MTIF2: variants seen among roughly 807,000 people sequenced by gnomAD.
The protein encoded by MTIF2 is translation initiation factor IF-2, mitochondrial.
MTIF2 carries 71 observed loss-of-function variants against 83.5 expected under a neutral mutation model. That is an observed-to-expected ratio of 0.85 (90% CI 0.70 to 1.04). The LOEUF (loss-of-function observed/expected upper bound fraction) is 1.04. MTIF2 is among the 50% of genes least tolerant of loss of function. The pLI is 0.00. For synonymous variants in MTIF2, 319 were observed against 287.1 expected (o/e 1.11, Z -1.12); for missense variants, 957 against 846.5 (o/e 1.13, Z -1.62).
In MTIF2 at chr2:55,252,480, G is replaced by C; in HGVS notation, c.838C>G (p.Gln280Glu). ...VESIQHAKDAQVPIILAVNKC... is the reference protein window; with the variant it reads ...VESIQHAKDAEVPIILAVNKC... Reference sequence around the variant, plus strand: ...CATTAAGTCAGCCACACAGTACCCTGTGCATCTTTGGCATGCTGAATAGAT... The same window carrying C: ...CATTAAGTCAGCCACACAGTACCCTCTGCATCTTTGGCATGCTGAATAGAT... Residue 280 changes from glutamine (Q) to glutamate (E), a missense_variant, in exon 8 of 16, where the codon CAG becomes GAG. Around this residue, in one of 3 missense-constraint regions of MTIF2, gnomAD observed 733 missense variants for 648.7 expected, o/e 1.13. Coordinates refer to ENST00000263629, the MANE Select transcript of MTIF2 (RefSeq NM_002453.3). 6.2e-7 allele frequency: 1 copy of C among 1,613,938 alleles called. No homozygotes were observed. Among genetic ancestry groups the C allele is most frequent in the South Asian group, 1.1e-5 (1 of 91,068 alleles).
At chr2:55,268,542 C>A (rs1478965543) in intron 2 of MTIF2, 36 bp downstream of exon 2, 1 of 151,716 alleles carries the variant, frequency 6.6e-6, no homozygotes, top group African/African-American at 2.4e-5. Flanking sequence ...AGGCAATAAC[C>A]CAAATGTCAA....
At chr2:55,245,008 C>T (rs543916510) in intron 10 of MTIF2, among the ~76,000 whole-genome samples, 1 of 152,168 alleles carries the variant, frequency 6.6e-6, no homozygotes, top group South Asian at 2.1e-4. Flanking sequence ...GATCACACCA[C>T]TGCATTCCAG....
Position 55,243,479 on chromosome 2 carries a change from T to C in MTIF2, c.1501A>G (p.Ile501Val). Reference protein sequence around the residue: ...ILRFLERKEQIPLKPKEKRER... With the variant: ...ILRFLERKEQVPLKPKEKRER... Reference sequence around the variant, plus strand: ...CTTTTCTCTTTTGGCTTTAAGGGTATTTGTTCTTTTCTTTCTAAAAACCGT... The same window carrying C: ...CTTTTCTCTTTTGGCTTTAAGGGTACTTGTTCTTTTCTTTCTAAAAACCGT... Residue 501 changes from isoleucine (I) to valine (V), a missense_variant, in exon 12 of 16, where the codon ATA (isoleucine) becomes GTA (valine). Coordinates refer to ENST00000263629, the MANE Select transcript of MTIF2 (RefSeq NM_002453.3). The C allele has an allele frequency of 6.2e-7, 1 of 1,613,918 alleles. No individual in the cohort carries two copies. The highest frequency in any genetic ancestry group is 8.5e-7 in the Non-Finnish European group (1 of 1,179,840).
Position 55,240,016 on chromosome 2 carries a change from G to A in MTIF2, c.1865C>T (p.Pro622Leu). The change falls in exon 14 of 16, where the codon CCA (proline) becomes CTA (leucine). Residue 622 changes from proline to leucine, a missense_variant. Coordinates refer to ENST00000263629, the MANE Select transcript of MTIF2 (RefSeq NM_002453.3). Reference sequence around the variant, plus strand: ...AACATTCAGTGATCACTCACCTACTGGGTGCTCTTCCACAGCACAGGGTAA... The same window carrying A: ...AACATTCAGTGATCACTCACCTACTAGGTGCTCTTCCACAGCACAGGGTAA... Reference protein sequence around the residue: ...SRLPCAVEEHPVGEASILATF... With the variant: ...SRLPCAVEEHLVGEASILATF... The A allele has an allele frequency of 6.2e-7, 1 of 1,606,212 alleles. No individual in the cohort carries two copies. Among genetic ancestry groups the A allele is most frequent in the Non-Finnish European group, 8.5e-7 (1 of 1,175,236 alleles).
intron 11 of MTIF2, 47 bp downstream of exon 11, chr2:55,243,981 TA>T: frequency 7.0e-7 from 1 of 1,437,524 alleles, no homozygotes; most frequent in Non-Finnish European, 9.4e-7. Flanking sequence ...AACTGGCATT[TA>T]AAATCATTAT....
In MTIF2 at chr2:55,262,361, C is replaced by T. The variant is rs1231400529; in HGVS notation, c.286G>A (p.Gly96Arg). ...CTGGCCAGTTCCTCAATAGTCATTC[C>T]AATCCATACTTCTACCACCTTTTTA... ...KSKKVVEVWI[G>R]MTIEELARAM... is the part of the protein sequence containing the mutation. The change falls in exon 5 of 16, where the codon GGA becomes AGA. Residue 96 changes from glycine to arginine, a missense_variant. Around this residue, in one of 3 missense-constraint regions of MTIF2, gnomAD observed 733 missense variants for 648.7 expected, o/e 1.13. Coordinates refer to ENST00000263629, the MANE Select transcript of MTIF2 (RefSeq NM_002453.3). The T allele has an allele frequency of 4.3e-6, 7 of 1,613,510 alleles. No homozygotes were observed. The African/African-American group carries it at 9.4e-5, about 22-fold the overall frequency.
At chr2:55,250,241 A>C (rs1676998282) in intron 8 of MTIF2, among the ~76,000 whole-genome samples, 1 of 152,244 alleles carries the variant, frequency 6.6e-6, no homozygotes, top group Admixed American at 6.5e-5. Context: ...CCATGTAAGG[A>C]AGTTTCAAAT....
chr2:55,243,316 A>G (rs1676457195), intron 12 of MTIF2, 100 bp downstream of exon 12: 6 of 1,232,422 alleles, frequency 4.9e-6, no homozygotes, highest in Non-Finnish European at 6.7e-6. Context: ...CTCCTAAAAT[A>G]TTGAAATAAT....
chr2:55,263,385 A>G (rs968440701), intron 4 of MTIF2, among the ~76,000 whole-genome samples: 2 of 152,224 alleles, frequency 1.3e-5, no homozygotes, highest in African/African-American at 2.4e-5. Context: ...AAATTACTCA[A>G]AATGGATTTG....
rs376057128 is a variant in MTIF2, at chr2:55,242,892, A to C, written c.1705+48T>G. On this transcript the variant is annotated intron_variant, in intron 13 of 15. Transcript: ENST00000263629. ...AACAAAAGACAGAAGCAGATGGTTC[A>C]GTGTTATTTGGGGAACACAGATTAA... 9.6e-6 allele frequency: 15 copies of C among 1,564,290 alleles called. No homozygotes were observed. The African/African-American group carries it at 1.8e-4, about 18-fold the overall frequency.
intron 5 of MTIF2, among the ~76,000 whole-genome samples, chr2:55,256,871 TA>T (rs1325936983): frequency 1.4e-5 from 1 of 72,884 alleles, no homozygotes; most frequent in African/African-American, 3.4e-5. Context: ...TACATCCTAC[TA>T]ATTTTTTGTA....
chr2:55,257,052 T>C (rs984751317), intron 5 of MTIF2, among the ~76,000 whole-genome samples: 1 of 152,232 alleles, frequency 6.6e-6, no homozygotes, highest in African/African-American at 2.4e-5. Context: ...TCATTTTATT[T>C]AATGTGCTTT....
At chr2:55,267,340 G>A (rs536352541) in intron 3 of MTIF2, among the ~76,000 whole-genome samples, 14 of 151,928 alleles carry the variant, frequency 9.2e-5, no homozygotes, top group African/African-American at 3.4e-4. Context: ...TGTATTTTTA[G>A]TAGAGACGGG....
chr2:55,261,555 C>T (rs532260690), intron 5 of MTIF2, among the ~76,000 whole-genome samples: 2 of 151,624 alleles, frequency 1.3e-5, no homozygotes, highest in African/African-American at 2.4e-5. Flanking sequence ...TGCAGGGAGC[C>T]GAGATCGTGC....
chr2:55,237,302 T>C lies in MTIF2; in HGVS notation c.1997A>G (p.His666Arg), dbSNP rs141623661. 1 of 1,611,786 alleles carries C rather than the reference T, an allele frequency of 6.2e-7. No homozygotes were observed. Among genetic ancestry groups the C allele is most frequent in the Non-Finnish European group, 8.5e-7 (1 of 1,179,618 alleles). ...QKKFKLTRNG[H>R]VIWKGSLTSL... The stretch of plus-strand genomic sequence containing the variant: ...ATGTTGCTTACCCTTCCAAATTACA[T>C]GTCCATTACGGGTTAGTTTAAATTT... The change falls in exon 15 of 16, where the codon CAT (histidine) becomes CGT (arginine). Residue 666 changes from histidine (H) to arginine (R), a missense_variant. By Grantham distance (29) the His-to-Arg change is conservative. Coordinates refer to ENST00000263629, the MANE Select transcript of MTIF2 (RefSeq NM_002453.3).
chr2:55,262,179 A>G (rs1464954319), intron 5 of MTIF2, 137 bp downstream of exon 5: 1 of 658,522 alleles, frequency 1.5e-6, no homozygotes, highest in Non-Finnish European at 2.7e-6. Flanking sequence ...CTTAAAGTGA[A>G]GAATATTACA....
intron 10 of MTIF2, 119 bp downstream of exon 10, chr2:55,246,218 C>A: frequency 8.4e-7 from 1 of 1,187,406 alleles, no homozygotes; most frequent in Non-Finnish European, 1.2e-6. Context: ...AAAACAAATG[C>A]TTTGAAAATA....
chr2:55,249,557 G>T (rs780998874), intron 8 of MTIF2, 23 bp from the exon 9 acceptor site: 5 of 1,609,916 alleles, frequency 3.1e-6, no homozygotes, highest in African/African-American at 1.3e-5. Context: ...GAGTTAAAAA[G>T]AGTGAAAATG....
intron 9 of MTIF2, among the ~76,000 whole-genome samples, chr2:55,246,719 G>C (rs1676727646): frequency 6.6e-6 from 1 of 152,166 alleles, no homozygotes; most frequent in South Asian, 2.1e-4. Context: ...CAAGGAACAA[G>C]TGGCTATTTT....
Sources: gnomAD v4.1 joint callset for allele counts (sites outside exome capture counted in the v4.1 genomes callset) on GRCh38, gnomAD v4.1.1 for gene constraint, gnomAD v4.1.1 regional missense constraint, MANE v1.5 for transcripts, NCBI Gene and HGNC (gene_info 2026-07-23, HGNC 2026-07-21) for gene names.